ZNF350: variants seen among roughly 807,000 people sequenced by gnomAD.
The protein encoded by ZNF350 is KRAB zinc finger protein ZFQR.
Under a neutral mutation model 13.1 loss-of-function variants are expected in ZNF350, and 5 were observed. The observed-to-expected ratio is 0.38, with a 90% CI of 0.20 to 0.80. The LOEUF is 0.80. Ranked by LOEUF, ZNF350 falls within the 30% of genes least tolerant of loss-of-function variation. ZNF350 has a pLI of 0.43. For synonymous variants in ZNF350, 199 were observed against 224.2 expected (o/e 0.89, Z 1.00); for missense variants, 534 against 644.2 (o/e 0.83, Z 1.85).
At chr19:51,979,504 A>G (rs1371487249) in intron 1 of ZNF350, among the ~76,000 whole-genome samples, 1 of 152,206 alleles carries the variant, frequency 6.6e-6, no homozygotes, top group East Asian at 1.9e-4. Flanking sequence ...GACGTCGCTC[A>G]GCCATAGCTG....
At chr19:51,979,233 T>C (rs575689948) in intron 1 of ZNF350, among the ~76,000 whole-genome samples, 2 of 152,184 alleles carry the variant, frequency 1.3e-5, no homozygotes, top group African/African-American at 2.4e-5. Context: ...CCTGATTCCA[T>C]GCTCTTGGCC....
chr19:51,974,523 A>C lies in ZNF350; in HGVS notation c.-163T>G, dbSNP rs572747594. On this transcript the variant is annotated 5_prime_UTR_variant, in exon 2 of 5. Transcript: ENST00000243644. ...CAGGTTATGTTTTTTGCTCCTGAGG[A>C]GTCAGAACCTGTGGGTTGAAGAGCA... 3 of 783,688 alleles carry C rather than the reference A, an allele frequency of 3.8e-6. No homozygotes were observed. The highest frequency in any genetic ancestry group is 4.2e-6 in the Non-Finnish European group (2 of 481,738). The allele number at this position is 783,688 out of a possible 1,614,324, so 48.5% of individuals were successfully genotyped here. A position where few individuals can be genotyped will look rare whatever the true frequency, so the allele number is the denominator to read the frequency against.
intron 4 of ZNF350, 86 bp downstream of exon 4, chr19:51,968,492 C>T (rs2085639621): frequency 1.7e-6 from 2 of 1,179,606 alleles, no homozygotes; most frequent in East Asian, 4.7e-5. Flanking sequence ...GTTTACATAT[C>T]CTCAAACCCC....
At chr19:51,966,280 TG>T (rs2085566815) in intron 4 of ZNF350, 66 bp from the exon 5 acceptor site, 19 of 1,456,368 alleles carry the variant, frequency 1.3e-5, no homozygotes, top group African/African-American at 7.7e-5. Context: ...GTGGTTTTTT[TG>T]TTTTTTTTGT....
At position 51,965,871 on chromosome 19, in the gene ZNF350, G is replaced by C; in HGVS notation, c.582C>G (p.Pro194=). Residue 194 remains proline (P), a synonymous_variant, in exon 5 of 5, where the codon CCC becomes CCG. Coordinates refer to ENST00000243644, the MANE Select transcript of ZNF350 (RefSeq NM_021632.4). ...LISTKSQFIS[P]KHQKTRKLEK... is the part of the protein sequence containing the mutation. ...CTAATTTTCGTGTTTTCTGATGCTT[G>C]GGACTGATGAATTGGGACTTAGTGC... 1 of 1,614,070 alleles carries C rather than the reference G, an allele frequency of 6.2e-7. No individual in the cohort carries two copies. Among genetic ancestry groups the C allele is most frequent in the Non-Finnish European group, 8.5e-7 (1 of 1,180,022 alleles).
chr19:51,980,200 A>AG (rs2085999240), intron 1 of ZNF350, among the ~76,000 whole-genome samples: 1 of 152,214 alleles, frequency 6.6e-6, no homozygotes, highest in Non-Finnish European at 1.5e-5. Context: ...CACTGCATTA[A>AG]TCATAGCACA....
Position 51,968,673 on chromosome 19 carries a change from C to T in ZNF350, c.143G>A (p.Gly48Glu). ...TGCATCCGGTTTGCTGGCTTGATAC[C>T]CTGTTCATGGAAAATGATAGAGGAC... Reference protein sequence around the residue: ...LENYSNLVAVGYQASKPDALF... With the variant: ...LENYSNLVAVEYQASKPDALF... The change falls in exon 4 of 5, where the codon GGG becomes GAG. Residue 48 changes from glycine (G) to glutamate (E), a missense_variant and splice_region_variant. Transcript: ENST00000243644. 1 of 1,613,886 alleles carries T rather than the reference C, an allele frequency of 6.2e-7. No homozygotes were observed. The highest frequency in any genetic ancestry group is 8.5e-7 in the Non-Finnish European group (1 of 1,179,852).
intron 2 of ZNF350, chr19:51,973,510 T>C (rs1246664780): frequency 1.3e-5 from 2 of 152,176 alleles, no homozygotes; most frequent in East Asian, 3.9e-4. Context: ...TCCATTAGCT[T>C]GAACACAAAG....
At position 51,974,215 on chromosome 19, in the gene ZNF350, T is replaced by G; in HGVS notation, c.15+131A>C. On this transcript the variant is annotated intron_variant, in intron 2 of 4. Transcript: ENST00000243644. Reference sequence around the variant, plus strand: ...TTTGCATGATATTGAGTTTAAAAACTAAGCTTACTTCTCTCCAGATCCTGC... The same window carrying G: ...TTTGCATGATATTGAGTTTAAAAACGAAGCTTACTTCTCTCCAGATCCTGC... 6.3e-6 allele frequency: 6 copies of G among 957,542 alleles called. 1 individual carries two copies. The highest frequency in any genetic ancestry group is 7.7e-6 in the Non-Finnish European group (5 of 649,998). The allele number at this position is 957,542 out of a possible 1,614,324, so 59.3% of individuals were successfully genotyped here.
At position 51,964,894 on chromosome 19, in the gene ZNF350, A is replaced by G; in HGVS notation, c.1559T>C (p.Val520Ala). The G allele has an allele frequency of 1.9e-6, 3 of 1,613,036 alleles. No homozygotes were observed. The highest frequency in any genetic ancestry group is 2.5e-6 in the Non-Finnish European group (3 of 1,179,114). Residue 520 changes from valine (V) to alanine (A), a missense_variant, in exon 5 of 5, where the codon GTG (valine) becomes GCG (alanine). Coordinates refer to ENST00000243644, the MANE Select transcript of ZNF350 (RefSeq NM_021632.4). ...AACATAAAATAAGACATAATTGATC[A>G]CGGAAGGCACAACCACATTCACTGC... Reference protein sequence around the residue: ...VNAVNVVVPSVINYVLFYVTE... With the variant: ...VNAVNVVVPSAINYVLFYVTE...
intron 2 of ZNF350, among the ~76,000 whole-genome samples, chr19:51,972,314 A>G (rs7259137): frequency 0.45 from 66,421 of 148,746 alleles, 19,665 homozygotes; most frequent in African/African-American, 0.85. Flanking sequence ...AAAAAAGGAA[A>G]AAAGAAAAAA....
chr19:51,966,198 A>G lies in ZNF350; in HGVS notation c.255T>C (p.Asp85=). The G allele has an allele frequency of 6.3e-7, 1 of 1,579,166 alleles. No individual in the cohort carries two copies. Among genetic ancestry groups the G allele is most frequent in the Non-Finnish European group, 8.6e-7 (1 of 1,166,126 alleles). Residue 85 remains aspartate, a synonymous_variant, in exon 5 of 5, where the codon GAT becomes GAC. Coordinates refer to ENST00000243644, the MANE Select transcript of ZNF350 (RefSeq NM_021632.4). The stretch of plus-strand genomic sequence containing the variant: ...CACTCTGCAAGCGCTCCAGCACATG[A>G]TCAACTTTCCATATGTCTAGAAAGA... ...SGACSDIWKV[D]HVLERLQSES...
Position 51,965,167 on chromosome 19 carries a change from TG to T in ZNF350, c.1285del (p.Gln429LysfsTer45), listed in dbSNP as rs778067618. On this transcript the variant is annotated frameshift_variant, in exon 5 of 5. Transcript: ENST00000243644. LOFTEE classifies it low-confidence loss of function (END_TRUNC). ...AGGATTTTCCACCTTGGCTGCCTCT[TG>T]TTTCTCCCTTGTGTGTATTCTCTTA... ...KHKRIHTREK[Q>X]EAAKVENPPA... is the part of the protein sequence containing the mutation. The T allele has an allele frequency of 4.3e-6, 7 of 1,614,108 alleles. No homozygotes were observed. Among genetic ancestry groups the T allele is most frequent in the Non-Finnish European group, 5.1e-6 (6 of 1,179,980 alleles).
In ZNF350 at chr19:51,965,133, C is replaced by T; in HGVS notation, c.1320G>A (p.Glu440=). 1 of 1,614,210 alleles carries T rather than the reference C, an allele frequency of 6.2e-7. No homozygotes were observed. The highest frequency in any genetic ancestry group is 1.7e-5 in the Admixed American group (1 of 60,024). The change falls in exon 5 of 5, where the codon GAG becomes GAA. Residue 440 remains glutamate (E), a synonymous_variant. Coordinates refer to ENST00000243644, the MANE Select transcript of ZNF350 (RefSeq NM_021632.4). Reference sequence around the variant, plus strand: ...CACTGGTGTGTAATGAGCTGTGCCTCTCTGCAGGAGGATTTTCCACCTTGG... The same window carrying T: ...CACTGGTGTGTAATGAGCTGTGCCTTTCTGCAGGAGGATTTTCCACCTTGG... ...EAAKVENPPA[E]RHSSLHTSDV... is the part of the protein sequence containing the mutation.
chr19:51,975,028 T>C (rs1015959018), intron 1 of ZNF350, among the ~76,000 whole-genome samples: 7 of 152,250 alleles, frequency 4.6e-5, no homozygotes, highest in Admixed American at 4.6e-4. Context: ...TTTAAATACA[T>C]AAAAAGCTAA....
intron 1 of ZNF350, among the ~76,000 whole-genome samples, chr19:51,979,172 A>G (rs1160816917): frequency 6.6e-6 from 1 of 152,142 alleles, no homozygotes; most frequent in African/African-American, 2.4e-5. Context: ...AACTCAAGAA[A>G]ACCACACAGG....
chr19:51,965,164 T>A lies in ZNF350; in HGVS notation c.1289A>T (p.Glu430Val). The A allele has an allele frequency of 6.2e-7, 1 of 1,614,186 alleles. No homozygotes were observed. The highest frequency in any genetic ancestry group is 1.1e-5 in the South Asian group (1 of 91,084). Residue 430 changes from glutamate to valine, a missense_variant, in exon 5 of 5, where the codon GAG becomes GTG. Physicochemically the swap from Glu to Val is moderately radical, Grantham distance 121. Transcript: ENST00000243644. ...AGGAGGATTTTCCACCTTGGCTGCCTCTTGTTTCTCCCTTGTGTGTATTCT... is the reference window on the plus strand; with the variant it reads ...AGGAGGATTTTCCACCTTGGCTGCCACTTGTTTCTCCCTTGTGTGTATTCT... ...HKRIHTREKQ[E>V]AAKVENPPAE...
Position 51,974,409 on chromosome 19 carries a change from G to C in ZNF350, c.-49C>G. 1.2e-6 allele frequency: 2 copies of C among 1,608,860 alleles called. No homozygotes were observed. The highest frequency in any genetic ancestry group is 1.7e-6 in the Non-Finnish European group (2 of 1,176,254). On this transcript the variant is annotated 5_prime_UTR_variant, in exon 2 of 5. Transcript: ENST00000243644. The stretch of plus-strand genomic sequence containing the variant: ...CATTCAACTGGGATGGTCTGTCTTT[G>C]TATCTTCTGGCCTTCTCTTCAGAAG...
At position 51,964,685 on chromosome 19, in the gene ZNF350, G is replaced by A. The variant is rs547220144; in HGVS notation, c.*169C>T. On this transcript the variant is annotated 3_prime_UTR_variant, in exon 5 of 5. Coordinates refer to ENST00000243644, the MANE Select transcript of ZNF350 (RefSeq NM_021632.4). Reference sequence around the variant, plus strand: ...ACAGTCGAGCAATTGCTGTGTATGTGCTTAGGTTAACATCAAATTTGCCTG... The same window carrying A: ...ACAGTCGAGCAATTGCTGTGTATGTACTTAGGTTAACATCAAATTTGCCTG... The A allele has an allele frequency of 1.4e-6, 1 of 709,602 alleles. No homozygotes were observed. Among genetic ancestry groups the A allele is most frequent in the Non-Finnish European group, 2.3e-6 (1 of 443,448 alleles). The allele number at this position is 709,602 out of a possible 1,614,324, so 44.0% of individuals were successfully genotyped here.
Sources: gnomAD v4.1 joint callset for allele counts (sites outside exome capture counted in the v4.1 genomes callset) on GRCh38, gnomAD v4.1.1 for gene constraint, MANE v1.5 for transcripts, NCBI Gene and HGNC (gene_info 2026-07-23, HGNC 2026-07-21) for gene names.